ADSS1: variants seen among roughly 807,000 people sequenced by gnomAD.
ADSS1 encodes adenylosuccinate synthase 1, also known as adenylosuccinate synthetase isozyme 1.
In ADSS1, 57 loss-of-function variants were observed where a neutral mutation model predicts 59.1. That is an observed-to-expected ratio of 0.97 (90% confidence interval 0.78 to 1.20). The LOEUF is 1.20. ADSS1 is among the 50% of genes most tolerant of loss of function. The probability of loss-of-function intolerance (pLI) is 0.00; values close to 1 mark genes in which losing one functional copy is unlikely to be tolerated. For synonymous variants in ADSS1, 247 were observed against 249.4 expected (o/e 0.99, Z 0.09); for missense variants, 603 against 610.3 (o/e 0.99, Z 0.13).
intron 10 of ADSS1, 39 bp from the exon 11 acceptor site, chr14:104,744,773 C>G (rs368546964): frequency 6.3e-7 from 1 of 1,598,546 alleles, no homozygotes; most frequent in African/African-American, 1.3e-5. Context: ...GCACTGCTGA[C>G]CACTTCTTGG....
chr14:104,726,127 G>C (rs1373410535), intron 1 of ADSS1, among the ~76,000 whole-genome samples: 2 of 152,226 alleles, frequency 1.3e-5, no homozygotes, highest in African/African-American at 4.8e-5. Flanking sequence ...TAGCCTGAGG[G>C]AGCCCCTGGC....
chr14:104,729,948 C>G (rs911951825), intron 1 of ADSS1: 1 of 1,576,926 alleles, frequency 6.3e-7, no homozygotes, highest in Non-Finnish European at 8.6e-7. Flanking sequence ...GGGCAGAGGC[C>G]CACGAACCTG....
Position 104,744,910 on chromosome 14 carries a change from G to A in ADSS1, c.1171+1G>A, listed in dbSNP as rs1595214964. On this transcript the variant is annotated splice_donor_variant, in intron 11 of 12. Coordinates refer to ENST00000330877, the MANE Select transcript of ADSS1 (RefSeq NM_152328.5). LOFTEE classifies it high-confidence loss of function. ...GGGAAAAGGATTCCCTATTTCCCAG[G>A]TATGTGAAGTGGGGCAACCGTTCTG... 6.2e-7 allele frequency: 1 copy of A among 1,613,820 alleles called. No individual in the cohort carries two copies. The highest frequency in any genetic ancestry group is 8.5e-7 in the Non-Finnish European group (1 of 1,179,824).
chr14:104,732,402 G>A (rs1333510017), intron 1 of ADSS1, among the ~76,000 whole-genome samples: 1 of 152,204 alleles, frequency 6.6e-6, no homozygotes, highest in Non-Finnish European at 1.5e-5. Flanking sequence ...TGATGGGGAG[G>A]ACAGACTGGT....
chr14:104,746,186 G>C, intron 11 of ADSS1, 50 bp from the exon 12 acceptor site: 1 of 1,556,480 alleles, frequency 6.4e-7, no homozygotes, highest in South Asian at 1.2e-5. Context: ...CCGCTTCCCT[G>C]GTGATAGGAG....
Position 104,747,217 on chromosome 14 carries a change from C to A in ADSS1, c.*214C>A, listed in dbSNP as rs1022944265. ...TTTTAAAAATTATATTCAAAATGAG[C>A]CAAAGTGCTCAGAGACCTTCTATGA... is the stretch of plus-strand genomic sequence containing the variant. On this transcript the variant is annotated 3_prime_UTR_variant, in exon 13 of 13. Coordinates refer to ENST00000330877, the MANE Select transcript of ADSS1 (RefSeq NM_152328.5). 2.1e-6 allele frequency: 1 copy of A among 468,370 alleles called. No individual in the cohort carries two copies. Among genetic ancestry groups the A allele is most frequent in the Non-Finnish European group, 3.8e-6 (1 of 264,816 alleles). The allele number at this position is 468,370 out of a possible 1,614,324, so 29.0% of individuals were successfully genotyped here.
In ADSS1 at chr14:104,747,069, C is replaced by G; in HGVS notation, c.*66C>G. The G allele has an allele frequency of 2.1e-6, 3 of 1,439,182 alleles. No homozygotes were observed. In the South Asian group the frequency reaches 4.1e-5, roughly 20 times the overall value. 89.2% of individuals were successfully genotyped at this position (1,439,182 alleles called of 1,614,324 possible). ...GGACTTGTGTAAACAGCAGCAGTCA[C>G]GTTCCTCGGCCGCCACAACCAACAC... On this transcript the variant is annotated 3_prime_UTR_variant, in exon 13 of 13. Transcript: ENST00000330877.
chr14:104,731,509 G>T (rs57098433), intron 1 of ADSS1, among the ~76,000 whole-genome samples: 1 of 151,992 alleles, frequency 6.6e-6, no homozygotes. Flanking sequence ...GTAAATGCAG[G>T]ACTCTGCAGC....
At chr14:104,735,177 C>CA in intron 2 of ADSS1, 55 bp downstream of exon 2, 1 of 1,506,284 alleles carries the variant, frequency 6.6e-7, no homozygotes, top group South Asian at 1.2e-5. Context: ...TCAGCCAGCC[C>CA]AGGAGCCCCA....
chr14:104,731,744 G>C (rs1029788357), intron 1 of ADSS1, among the ~76,000 whole-genome samples: 4 of 152,350 alleles, frequency 2.6e-5, no homozygotes, highest in Non-Finnish European at 4.4e-5. Context: ...TGGCTCTTCT[G>C]CCCATCACTT....
At chr14:104,726,088 C>T (rs1022488207) in intron 1 of ADSS1, among the ~76,000 whole-genome samples, 5 of 152,204 alleles carry the variant, frequency 3.3e-5, no homozygotes, top group Non-Finnish European at 7.3e-5. Flanking sequence ...AGGCTGCCCC[C>T]GCCAGGCCAC....
chr14:104,736,994 G>A (rs902288665), intron 2 of ADSS1: 2 of 149,326 alleles, frequency 1.3e-5, no homozygotes, highest in African/African-American at 5.0e-5. Flanking sequence ...CAATCCTCCT[G>A]CCTCAGCATC....
intron 1 of ADSS1, among the ~76,000 whole-genome samples, chr14:104,728,836 TC>T (rs1004989309): frequency 3.4e-4 from 51 of 152,142 alleles, no homozygotes; most frequent in African/African-American, 1.2e-3. Context: ...TCGCTCCCAT[TC>T]CAGGGGGAGA....
chr14:104,744,034 T>G (rs1237585777), intron 10 of ADSS1, among the ~76,000 whole-genome samples: 1 of 135,864 alleles, frequency 7.4e-6, no homozygotes, highest in Non-Finnish European at 1.6e-5. Context: ...CAGGGCCTGG[T>G]GCCGAAGATG....
chr14:104,740,075 C>T lies in ADSS1; in HGVS notation c.476+259C>T, dbSNP rs1449955086. Among the ~76,000 whole-genome samples, 1 of 152,148 alleles carries T rather than the reference C, an allele frequency of 6.6e-6. No individual in the cohort carries two copies. Among genetic ancestry groups the T allele is most frequent in the Non-Finnish European group, 1.5e-5 (1 of 68,028 alleles). Reference sequence around the variant, plus strand: ...CCCCCCAGGAGTGCATAAGCCCTACCGTCACCTGTCACACCCACCACCTTT... The same window carrying T: ...CCCCCCAGGAGTGCATAAGCCCTACTGTCACCTGTCACACCCACCACCTTT... On this transcript the variant is annotated intron_variant, in intron 5 of 12. Transcript: ENST00000330877. The surrounding 1 kb of genome is among the most constrained non-coding windows in gnomAD (Gnocchi z 4.8).
intron 10 of ADSS1, chr14:104,743,496 C>T (rs1271957627): frequency 1.3e-5 from 4 of 319,598 alleles, no homozygotes; most frequent in South Asian, 6.6e-5. Context: ...GTACCCAGGA[C>T]GAAAGGATGC....
chr14:104,740,500 G>A lies in ADSS1; in HGVS notation c.477-101G>A. 1 of 985,298 alleles carries A rather than the reference G, an allele frequency of 1.0e-6. No individual in the cohort carries two copies. The highest frequency in any genetic ancestry group is 1.6e-6 in the Non-Finnish European group (1 of 644,552). The allele number at this position is 985,298 out of a possible 1,614,324, so 61.0% of individuals were successfully genotyped here. A position where few individuals can be genotyped will look rare whatever the true frequency, so the allele number is the denominator to read the frequency against. ...CAGCCAGACACAGGCAGCAATGGTGGGCACTGGAGTCATGAGCCGGCGGGG... is the reference window on the plus strand; with the variant it reads ...CAGCCAGACACAGGCAGCAATGGTGAGCACTGGAGTCATGAGCCGGCGGGG... On this transcript the variant is annotated intron_variant, in intron 5 of 12. Coordinates refer to ENST00000330877, the MANE Select transcript of ADSS1 (RefSeq NM_152328.5). The surrounding 1 kb of genome is among the most constrained non-coding windows in gnomAD (Gnocchi z 4.8).
chr14:104,724,433 A>G lies in ADSS1; in HGVS notation c.163A>G (p.Thr55Ala). The G allele has an allele frequency of 7.9e-7, 1 of 1,259,210 alleles. No individual in the cohort carries two copies. The highest frequency in any genetic ancestry group is 1.0e-6 in the Non-Finnish European group (1 of 997,178). The allele number at this position is 1,259,210 out of a possible 1,614,324, so 78.0% of individuals were successfully genotyped here. Residue 55 changes from threonine (T) to alanine (A), a missense_variant, in exon 1 of 13, where the codon ACG (threonine) becomes GCG (alanine). By Grantham distance (58) the Thr-to-Ala change is moderately conservative. Coordinates refer to ENST00000330877, the MANE Select transcript of ADSS1 (RefSeq NM_152328.5). ...GKGKVVDLLA[T>A]DADIISRCQG... Reference sequence around the variant, plus strand: ...AGGCAAGGTGGTGGACCTGCTGGCCACGGACGCCGACATCATCAGCCGCTG... The same window carrying G: ...AGGCAAGGTGGTGGACCTGCTGGCCGCGGACGCCGACATCATCAGCCGCTG...
intron 2 of ADSS1, 82 bp downstream of exon 2, chr14:104,735,204 G>A: frequency 1.5e-6 from 2 of 1,294,808 alleles, no homozygotes; most frequent in Non-Finnish European, 2.2e-6. Flanking sequence ...GGGGCACGGG[G>A]CACCAGAGCC....
Sources: allele counts gnomAD v4.1 joint callset (sites outside exome capture counted in the v4.1 genomes callset), GRCh38; gene constraint gnomAD v4.1.1; non-coding constraint Gnocchi (gnomAD v3.1); transcripts MANE v1.5; gene names NCBI Gene and HGNC (gene_info 2026-07-23, HGNC 2026-07-21).